Variants in MYLK observed in about 807,000 individuals in gnomAD.
MYLK encodes the protein myosin light chain kinase, also known as myosin light chain kinase, smooth muscle.
A neutral mutation model predicts 203.4 loss-of-function variants in MYLK; 106 were observed. The observed-to-expected ratio is 0.52, with a 90% CI of 0.45 to 0.61. The LOEUF (loss-of-function observed/expected upper bound fraction) is 0.61, where lower values mean the gene tolerates loss of function less well. MYLK is among the 20% of genes least tolerant of loss of function. MYLK has a pLI of 0.00. For missense variants in MYLK, 2,072 were observed against 2,442.3 expected, an observed-to-expected ratio of 0.85 and a Z score of 3.20; for synonymous variants, 867 against 959.5, an observed-to-expected ratio of 0.90 and a Z score of 1.78.
intron 31 of MYLK, chr3:123,621,700 C>G (rs1283875563): frequency 6.6e-6 from 1 of 152,264 alleles, no homozygotes; most frequent in Non-Finnish European, 1.5e-5. Context: ...GCCATCCTTG[C>G]TGCAGACTGC....
chr3:123,864,820 C>A (rs532190927), intron 2 of MYLK, among the ~76,000 whole-genome samples: 1 of 152,224 alleles, frequency 6.6e-6, no homozygotes, highest in Admixed American at 6.5e-5. Context: ...GCAGGAGGAT[C>A]GTTTGAGCCC....
intron 8 of MYLK, among the ~76,000 whole-genome samples, chr3:123,736,682 C>T (rs981864854): frequency 3.9e-5 from 6 of 152,158 alleles, no homozygotes; most frequent in Non-Finnish European, 8.8e-5. Context: ...GTCGAAGGAT[C>T]GCCTGACTTG....
intron 4 of MYLK, among the ~76,000 whole-genome samples, chr3:123,763,289 AG>A (rs1439464292): frequency 6.6e-6 from 1 of 152,136 alleles, no homozygotes; most frequent in Non-Finnish European, 1.5e-5. Context: ...TTTCTCCTTT[AG>A]AGATAACCCT....
At chr3:123,879,231 G>A (rs1247412419) in intron 1 of MYLK, among the ~76,000 whole-genome samples, 4 of 152,138 alleles carry the variant, frequency 2.6e-5, no homozygotes, top group Non-Finnish European at 5.9e-5. Context: ...AATTTCAGAT[G>A]TTTCAGAAAT....
At chr3:123,750,698 A>AGAAGAGGG (rs1040007270) in intron 5 of MYLK, among the ~76,000 whole-genome samples, 1 of 152,238 alleles carries the variant, frequency 6.6e-6, no homozygotes, top group Non-Finnish European at 1.5e-5. Flanking sequence ...AACAGAACTC[A>AGAAGAGGG]GAAGAGGGAA....
At chr3:123,633,407 A>G (rs1342872259) in intron 29 of MYLK, among the ~76,000 whole-genome samples, 1 of 152,226 alleles carries the variant, frequency 6.6e-6, no homozygotes, top group Non-Finnish European at 1.5e-5. Flanking sequence ...GAGTATAAGC[A>G]TGAGCCACTG....
chr3:123,674,766 C>G (rs897206148), intron 20 of MYLK, among the ~76,000 whole-genome samples: 1 of 152,216 alleles, frequency 6.6e-6, no homozygotes, highest in Admixed American at 6.5e-5. Flanking sequence ...CATGCTGGGC[C>G]CTCTTCTCTT....
At chr3:123,711,701 T>C (rs1365796430) in intron 13 of MYLK, among the ~76,000 whole-genome samples, 1 of 152,206 alleles carries the variant, frequency 6.6e-6, no homozygotes, top group East Asian at 1.9e-4. Flanking sequence ...TTTTTGTTTT[T>C]GGCAGGTTCA....
intron 24 of MYLK, among the ~76,000 whole-genome samples, chr3:123,653,973 T>C (rs2059303347): frequency 1.3e-5 from 2 of 148,322 alleles, no homozygotes; most frequent in African/African-American, 2.5e-5. Flanking sequence ...ACTCTGCTCA[T>C]TTCAGAGGGA....
At chr3:123,681,990 A>C in intron 20 of MYLK, 1 of 593,866 alleles carries the variant, frequency 1.7e-6, no homozygotes, top group Non-Finnish European at 3.1e-6. Flanking sequence ...GAGATGTGCA[A>C]CACCACCCAG....
chr3:123,821,817 T>C (rs761059917), intron 3 of MYLK, among the ~76,000 whole-genome samples: 26 of 152,186 alleles, frequency 1.7e-4, no homozygotes, highest in Admixed American at 4.6e-4. Flanking sequence ...CCTTTACCTA[T>C]ATAGATTAAC....
At chr3:123,826,675 A>G (rs890215471) in intron 3 of MYLK, among the ~76,000 whole-genome samples, 4 of 152,176 alleles carry the variant, frequency 2.6e-5, no homozygotes, top group Non-Finnish European at 5.9e-5. Context: ...CTAGACCCAA[A>G]TTTGGTCAAT....
chr3:123,739,114 C>T (rs1441380299), intron 6 of MYLK, 52 bp from the exon 7 acceptor site: 3 of 1,593,112 alleles, frequency 1.9e-6, no homozygotes, highest in Admixed American at 1.7e-5. Context: ...GCAATTCAAC[C>T]ATCCTCTCTC....
chr3:123,858,384 G>T (rs893663232), intron 2 of MYLK, among the ~76,000 whole-genome samples: 1 of 152,114 alleles, frequency 6.6e-6, no homozygotes, highest in Non-Finnish European at 1.5e-5. Context: ...ATAGCCATAG[G>T]CCTCTTAGTC....
chr3:123,789,085 C>T (rs2064664199), intron 4 of MYLK, among the ~76,000 whole-genome samples: 1 of 152,134 alleles, frequency 6.6e-6, no homozygotes, highest in African/African-American at 2.4e-5. Flanking sequence ...CCAGCATGGG[C>T]AACAGAGCAG....
intron 4 of MYLK, among the ~76,000 whole-genome samples, chr3:123,770,785 C>T (rs1230160727): frequency 5.3e-5 from 8 of 152,240 alleles, no homozygotes; most frequent in African/African-American, 1.9e-4. Context: ...TAAAAGTCTA[C>T]ATGCTATGTA....
intron 26 of MYLK, among the ~76,000 whole-genome samples, chr3:123,647,669 A>C (rs149626933): frequency 1.0e-3 from 156 of 152,270 alleles, no homozygotes; most frequent in African/African-American, 3.4e-3. Context: ...TGAAAGGCCC[A>C]GACTCCTGCT....
At chr3:123,732,601 C>T (rs996409473) in intron 11 of MYLK, among the ~76,000 whole-genome samples, 5 of 152,108 alleles carry the variant, frequency 3.3e-5, no homozygotes, top group African/African-American at 4.8e-5. Context: ...TGGTTACAAA[C>T]GTGAGTCACG....
At chr3:123,701,938 T>C (rs1462459230) in intron 16 of MYLK, among the ~76,000 whole-genome samples, 2 of 152,240 alleles carry the variant, frequency 1.3e-5, no homozygotes, top group Non-Finnish European at 2.9e-5. Context: ...TCTGACTCCA[T>C]GATCCCTTAA....
Sources: allele counts gnomAD v4.1 joint callset (sites outside exome capture counted in the v4.1 genomes callset), GRCh38; gene constraint gnomAD v4.1.1; transcripts MANE v1.5; gene names NCBI Gene and HGNC (gene_info 2026-07-23, HGNC 2026-07-21).